SLC2A13: variants seen among roughly 807,000 people sequenced by gnomAD.
SLC2A13 encodes proton myo-inositol cotransporter.
In SLC2A13, 32 loss-of-function variants were observed where a neutral mutation model predicts 64.4. That is an observed-to-expected ratio of 0.50 (90% CI 0.37 to 0.67). SLC2A13 has a LOEUF of 0.67. SLC2A13 is among the 30% of genes least tolerant of loss of function. The pLI is 0.00. For missense variants in SLC2A13, 743 were observed against 829.2 expected (o/e 0.90, Z 1.28); for synonymous variants, 338 against 327.1 (o/e 1.03, Z -0.36).
chr12:39,771,827 C>G (rs531876531), intron 7 of SLC2A13, among the ~76,000 whole-genome samples: 9 of 152,108 alleles, frequency 5.9e-5, no homozygotes, highest in African/African-American at 2.2e-4. Context: ...GTGGCTGCAG[C>G]CTACCTTATC....
chr12:40,026,809 G>A (rs1947816995), intron 3 of SLC2A13, among the ~76,000 whole-genome samples: 2 of 152,196 alleles, frequency 1.3e-5, no homozygotes, highest in Admixed American at 1.3e-4. Context: ...GCCAGGTGCG[G>A]TGGCTCACGC....
intron 5 of SLC2A13, among the ~76,000 whole-genome samples, chr12:39,871,010 C>T (rs1479982688): frequency 6.6e-6 from 1 of 152,104 alleles, no homozygotes; most frequent in Non-Finnish European, 1.5e-5. Flanking sequence ...TGCATTCTCA[C>T]TCCAAATAAA....
chr12:39,986,621 C>G (rs1172643838), intron 3 of SLC2A13, among the ~76,000 whole-genome samples: 1 of 151,672 alleles, frequency 6.6e-6, no homozygotes, highest in Non-Finnish European at 1.5e-5. Flanking sequence ...TTTCTATATG[C>G]CTACTCTCTT....
intron 4 of SLC2A13, among the ~76,000 whole-genome samples, chr12:39,883,805 C>G (rs1944402477): frequency 6.6e-6 from 1 of 152,166 alleles, no homozygotes; most frequent in Non-Finnish European, 1.5e-5. Flanking sequence ...AACTCTGAAT[C>G]TCTACGGAAT....
At chr12:39,966,285 C>T (rs1377879787) in intron 3 of SLC2A13, among the ~76,000 whole-genome samples, 1 of 151,912 alleles carries the variant, frequency 6.6e-6, no homozygotes, top group African/African-American at 2.4e-5. Flanking sequence ...TAGACCTTTA[C>T]TTCCTGAATC....
At chr12:39,847,271 A>G (rs1242770290) in intron 6 of SLC2A13, among the ~76,000 whole-genome samples, 1 of 138,858 alleles carries the variant, frequency 7.2e-6, no homozygotes, top group Non-Finnish European at 1.6e-5. Flanking sequence ...AAAGATTGCT[A>G]GTGGCCTATC....
At chr12:40,089,642 C>G (rs1938696525) in intron 1 of SLC2A13, among the ~76,000 whole-genome samples, 2 of 152,210 alleles carry the variant, frequency 1.3e-5, no homozygotes, top group Non-Finnish European at 1.5e-5. Flanking sequence ...ACTTTGTAAA[C>G]TCTCTCCTAG....
rs143452633 is a variant in SLC2A13 at position 40,005,416 on chromosome 12, TG to T, written c.925+22884del. 9.4e-3 allele frequency among the ~76,000 whole-genome samples: 1,436 copies of T among 152,200 alleles called. 26 individuals are homozygous for T. The highest frequency in any genetic ancestry group is 0.033 in the African/African-American group (1,358 of 41,512). On this transcript the variant is annotated intron_variant, in intron 3 of 9. Coordinates refer to ENST00000280871, the MANE Select transcript of SLC2A13 (RefSeq NM_052885.4). ...TTAATGATAGCTTACAAAGGGTATG[TG>T]GGTGTGTATCTGGTGGGTAGTGGAG...
At chr12:39,991,878 C>T (rs1441096180) in intron 3 of SLC2A13, among the ~76,000 whole-genome samples, 2 of 152,042 alleles carry the variant, frequency 1.3e-5, no homozygotes, top group African/African-American at 4.8e-5. Context: ...TTTTATAGCT[C>T]ACCCATCCTG....
chr12:39,929,109 G>A (rs1278223389), intron 4 of SLC2A13, among the ~76,000 whole-genome samples: 6 of 152,156 alleles, frequency 3.9e-5, no homozygotes, highest in Non-Finnish European at 7.4e-5. Context: ...AAAATTTATG[G>A]CATTAAAAAT....
At chr12:39,964,084 T>C (rs564366810) in intron 3 of SLC2A13, among the ~76,000 whole-genome samples, 1 of 152,338 alleles carries the variant, frequency 6.6e-6, no homozygotes, top group East Asian at 1.9e-4. Context: ...CGATGTTTTC[T>C]GTCAGCATGA....
chr12:39,941,428 A>G (rs1485972204), intron 4 of SLC2A13, among the ~76,000 whole-genome samples: 2 of 152,142 alleles, frequency 1.3e-5, no homozygotes, highest in African/African-American at 4.8e-5. Context: ...ATCCATGCCA[A>G]CATCCACTGT....
chr12:40,071,204 G>T (rs1307827959), intron 1 of SLC2A13, among the ~76,000 whole-genome samples: 1 of 152,064 alleles, frequency 6.6e-6, no homozygotes, highest in African/African-American at 2.4e-5. Flanking sequence ...ACACTGTCTT[G>T]ATTACTGTCA....
At chr12:39,834,025 T>C (rs1452664046) in intron 6 of SLC2A13, among the ~76,000 whole-genome samples, 2 of 152,078 alleles carry the variant, frequency 1.3e-5, no homozygotes, top group Non-Finnish European at 1.5e-5. Context: ...CACTGAGTTC[T>C]TCCCAGGTTA....
chr12:39,862,113 T>C (rs1335832146), intron 6 of SLC2A13, among the ~76,000 whole-genome samples: 1 of 152,198 alleles, frequency 6.6e-6, no homozygotes, highest in African/African-American at 2.4e-5. Flanking sequence ...CTGAAAGACA[T>C]TCTTTAATAC....
At chr12:39,876,019 G>A (rs1592230888) in intron 4 of SLC2A13, among the ~76,000 whole-genome samples, 1 of 152,248 alleles carries the variant, frequency 6.6e-6, no homozygotes, top group African/African-American at 2.4e-5. Flanking sequence ...TAGACTCAAA[G>A]CAGGCATACC....
At chr12:40,099,543 G>C (rs115051802) in intron 1 of SLC2A13, among the ~76,000 whole-genome samples, 1 of 152,130 alleles carries the variant, frequency 6.6e-6, no homozygotes, top group African/African-American at 2.4e-5. Flanking sequence ...ATCCATAAGA[G>C]GGCAAAATGG....
At chr12:40,063,862 C>T (rs1020882883) in intron 1 of SLC2A13, among the ~76,000 whole-genome samples, 3 of 152,262 alleles carry the variant, frequency 2.0e-5, no homozygotes, top group South Asian at 2.1e-4. Context: ...TCAGTTCTTA[C>T]ACAAAATATA....
chr12:40,022,723 A>G (rs1468721382), intron 3 of SLC2A13, among the ~76,000 whole-genome samples: 2 of 152,150 alleles, frequency 1.3e-5, no homozygotes, highest in Non-Finnish European at 2.9e-5. Context: ...CTGTAGTCCC[A>G]GCTACTGGGG....
Sources: allele counts gnomAD v4.1 joint callset (sites outside exome capture counted in the v4.1 genomes callset), GRCh38; gene constraint gnomAD v4.1.1; transcripts MANE v1.5; gene names NCBI Gene and HGNC (gene_info 2026-07-23, HGNC 2026-07-21).